Variants in POU6F2 observed in about 807,000 individuals in gnomAD.
POU6F2 encodes the protein POU class 6 homeobox 2.
POU6F2 carries 31 observed loss-of-function variants against 71.3 expected under a neutral mutation model. The ratio of observed to expected loss-of-function variants is 0.43; its 90% CI spans 0.33 to 0.59. POU6F2 has a LOEUF of 0.59. POU6F2 is among the 20% of genes least tolerant of loss of function. The pLI is 0.04. For missense variants in POU6F2, 783 were observed against 856.8 expected (o/e 0.91, Z 1.07); for synonymous variants, 347 against 355.7 (o/e 0.98, Z 0.27).
Position 39,419,828 on chromosome 7 carries a change from G to A in POU6F2, c.1113+13088G>A, listed in dbSNP as rs186134173. Among the ~76,000 whole-genome samples, 504 of 152,298 alleles carry A rather than the reference G, an allele frequency of 3.3e-3. 2 individuals are homozygous for A. Among genetic ancestry groups the A allele is most frequent in the African/African-American group, 0.012 (487 of 41,566 alleles). ...CACACATTAGTGACCGGGTAAGCTGGACAATCTTGTTTTCTTCAGATTAGC... is the reference window on the plus strand; with the variant it reads ...CACACATTAGTGACCGGGTAAGCTGAACAATCTTGTTTTCTTCAGATTAGC... On this transcript the variant is annotated intron_variant, in intron 6 of 9. Coordinates refer to ENST00000518318, the MANE Select transcript of POU6F2 (RefSeq NM_001370959.1).
At chr7:39,139,886 A>G (rs1179033265) in intron 2 of POU6F2, among the ~76,000 whole-genome samples, 1 of 152,224 alleles carries the variant, frequency 6.6e-6, no homozygotes, top group Non-Finnish European at 1.5e-5. Context: ...GGAAAGACTC[A>G]AGAACAATCA....
At chr7:39,401,244 A>G (rs942264505) in intron 5 of POU6F2, among the ~76,000 whole-genome samples, 1 of 152,192 alleles carries the variant, frequency 6.6e-6, no homozygotes, top group Non-Finnish European at 1.5e-5. Flanking sequence ...AAAATCTCTC[A>G]GCAGTGGTCA....
chr7:39,414,630 A>G lies in POU6F2; in HGVS notation c.1113+7890A>G, dbSNP rs557161461. Among the ~76,000 whole-genome samples, 4 of 151,182 alleles carry G rather than the reference A, an allele frequency of 2.6e-5. No homozygotes were observed. In the East Asian group the frequency reaches 5.8e-4, roughly 22 times the overall value. ...CGGACGCGCGGGACGTCAGGGCCCC[A>G]GCAGAAGCGCCGGGCTGTGCGTCCT... On this transcript the variant is annotated intron_variant, in intron 6 of 9. Coordinates refer to ENST00000518318, the MANE Select transcript of POU6F2 (RefSeq NM_001370959.1).
chr7:39,185,057 G>T (rs931287422), intron 2 of POU6F2, among the ~76,000 whole-genome samples: 3 of 152,122 alleles, frequency 2.0e-5, no homozygotes, highest in Non-Finnish European at 4.4e-5. Context: ...TAACAACTGG[G>T]TTATTTACAG....
intron 2 of POU6F2, among the ~76,000 whole-genome samples, chr7:39,171,673 G>A (rs1322226681): frequency 6.6e-6 from 1 of 152,212 alleles, no homozygotes; most frequent in African/African-American, 2.4e-5. Flanking sequence ...AAATTTCGGA[G>A]CATTTAGCCA....
At chr7:39,260,280 A>C (rs1332671498) in intron 4 of POU6F2, among the ~76,000 whole-genome samples, 1 of 147,644 alleles carries the variant, frequency 6.8e-6, no homozygotes, top group African/African-American at 2.5e-5. Context: ...TGCATACACC[A>C]CACACACTCT....
Position 39,148,171 on chromosome 7 carries a change from A to T in POU6F2, c.278-56064A>T, listed in dbSNP as rs749983532. 3.8e-4 allele frequency among the ~76,000 whole-genome samples: 58 copies of T among 152,168 alleles called. 1 individual carries two copies. Among genetic ancestry groups the T allele is most frequent in the Admixed American group, 1.5e-3 (23 of 15,284 alleles). On this transcript the variant is annotated intron_variant, in intron 2 of 9. Coordinates refer to ENST00000518318, the MANE Select transcript of POU6F2 (RefSeq NM_001370959.1). ...GAAAGGAATTTTCATCTTACCTAGG[A>T]TATGGTTGACCTTTTTGCCAGTGGG...
chr7:39,048,125 T>G (rs1790328399), intron 1 of POU6F2, among the ~76,000 whole-genome samples: 2 of 151,988 alleles, frequency 1.3e-5, no homozygotes, highest in Admixed American at 1.3e-4. Context: ...TATCTAGAAC[T>G]AGGAGTTTCT....
Position 39,150,112 on chromosome 7 carries a change from C to CGATCT in POU6F2, c.278-54122_278-54118dup, listed in dbSNP as rs1792721352. Among the ~76,000 whole-genome samples the CGATCT allele has an allele frequency of 2.6e-5, 4 of 152,098 alleles. No homozygotes were observed. The South Asian group carries it at 8.3e-4, about 32-fold the overall frequency. On this transcript the variant is annotated intron_variant, in intron 2 of 9. Transcript: ENST00000518318. Reference sequence around the variant, plus strand: ...CTGTTAGCCAAGATGGTCTCAATCTCGATCTCCTGACCTCGTGATCCGCCT... The same window carrying CGATCT: ...CTGTTAGCCAAGATGGTCTCAATCTCGATCTGATCTCCTGACCTCGTGATCCGCCT...
At chr7:39,188,829 A>T (rs890243814) in intron 2 of POU6F2, among the ~76,000 whole-genome samples, 26 of 152,196 alleles carry the variant, frequency 1.7e-4, no homozygotes, top group African/African-American at 6.0e-4. Flanking sequence ...GTTGTTCAGA[A>T]TTAAGTCTAG....
chr7:39,336,142 C>CT (rs1412298737), intron 4 of POU6F2, among the ~76,000 whole-genome samples: 2 of 152,226 alleles, frequency 1.3e-5, no homozygotes, highest in African/African-American at 2.4e-5. Flanking sequence ...CAACTTGCCA[C>CT]TTTAACTATT....
chr7:39,244,603 A>G (rs1311569685), intron 4 of POU6F2, among the ~76,000 whole-genome samples: 1 of 152,200 alleles, frequency 6.6e-6, no homozygotes, highest in African/African-American at 2.4e-5. Context: ...AAGAAATTCC[A>G]TCAACTAATC....
intron 4 of POU6F2, among the ~76,000 whole-genome samples, chr7:39,297,077 G>A (rs559101469): frequency 8.5e-5 from 13 of 152,232 alleles, no homozygotes; most frequent in African/African-American, 3.1e-4. Context: ...AAATTAAGCA[G>A]TAATTAAGAA....
intron 4 of POU6F2, among the ~76,000 whole-genome samples, chr7:39,332,647 A>C (rs936461747): frequency 6.6e-6 from 1 of 152,192 alleles, no homozygotes; most frequent in African/African-American, 2.4e-5. Flanking sequence ...TAGTTTTGCT[A>C]TTGAGAGGTA....
At chr7:39,397,339 T>A (rs961641738) in intron 5 of POU6F2, among the ~76,000 whole-genome samples, 3 of 123,638 alleles carry the variant, frequency 2.4e-5, no homozygotes, top group East Asian at 4.6e-4. Context: ...TATATATATA[T>A]AAAATATATA....
chr7:39,047,383 A>C (rs911110203), intron 1 of POU6F2, among the ~76,000 whole-genome samples: 1 of 151,758 alleles, frequency 6.6e-6, no homozygotes, highest in Non-Finnish European at 1.5e-5. Context: ...ACCTCCCTTT[A>C]TTTCTTTCAC....
intron 4 of POU6F2, among the ~76,000 whole-genome samples, chr7:39,219,558 C>CA (rs1162212427): frequency 6.6e-6 from 1 of 152,118 alleles, no homozygotes; most frequent in Non-Finnish European, 1.5e-5. Flanking sequence ...GTTTAAATAA[C>CA]ACAGTTTTAA....
At chr7:39,250,968 A>T (rs1783905123) in intron 4 of POU6F2, among the ~76,000 whole-genome samples, 1 of 152,230 alleles carries the variant, frequency 6.6e-6, no homozygotes, top group Non-Finnish European at 1.5e-5. Context: ...CAATAATAGC[A>T]TTCACCTTGA....
intron 1 of POU6F2, among the ~76,000 whole-genome samples, chr7:39,022,746 G>C (rs1789707814): frequency 6.6e-6 from 1 of 151,896 alleles, no homozygotes; most frequent in Non-Finnish European, 1.5e-5. Context: ...AAGCCACCAT[G>C]TACATCCATT....
Sources: gnomAD v4.1 joint callset for allele counts (sites outside exome capture counted in the v4.1 genomes callset) on GRCh38, gnomAD v4.1.1 for gene constraint, MANE v1.5 for transcripts, NCBI Gene and HGNC (gene_info 2026-07-23, HGNC 2026-07-21) for gene names.